The following LIMS2 variants were observed in gnomAD, a reference collection of about 807,000 sequenced individuals.
LIMS2 encodes LIM zinc finger domain containing 2, also known as LIM and senescent cell antigen-like-containing domain protein 2.
Under a neutral mutation model 45.3 loss-of-function variants are expected in LIMS2, and 30 were observed. The observed-to-expected ratio is 0.66, with a 90% CI of 0.50 to 0.90. The LOEUF is 0.90. LIMS2 is among the 40% of genes least tolerant of loss of function. The pLI is 0.00. For missense variants in LIMS2, 485 were observed against 468.7 expected, an observed-to-expected ratio of 1.03 and a Z score of -0.32; for synonymous variants, 173 against 188.0, an observed-to-expected ratio of 0.92 and a Z score of 0.65.
At chr2:127,655,258 C>A in intron 2 of LIMS2, 1 of 350,308 alleles carries the variant, frequency 2.9e-6, no homozygotes, top group Non-Finnish European at 5.5e-6. Context: ...TCACTTGGTC[C>A]TATTTCGTAT....
At chr2:127,660,299 A>G (rs1195399360) in intron 1 of LIMS2, among the ~76,000 whole-genome samples, 1 of 152,238 alleles carries the variant, frequency 6.6e-6, no homozygotes, top group African/African-American at 2.4e-5. Context: ...GGCCACTCGA[A>G]CCCACAGCAG....
intron 1 of LIMS2, 40 bp downstream of exon 1, chr2:127,674,974 C>G (rs963249531): frequency 2.4e-6 from 3 of 1,228,062 alleles, no homozygotes; most frequent in Non-Finnish European, 3.0e-6. Flanking sequence ...GTCCCGCAGT[C>G]CCGCCTCCCC....
chr2:127,661,743 G>A (rs897363794), intron 1 of LIMS2, among the ~76,000 whole-genome samples: 1 of 152,218 alleles, frequency 6.6e-6, no homozygotes, highest in Non-Finnish European at 1.5e-5. Flanking sequence ...TTTGTTGCAA[G>A]ATGTCCCTGA....
At chr2:127,662,755 GCA>G (rs1350845408) in intron 1 of LIMS2, among the ~76,000 whole-genome samples, 12 of 151,834 alleles carry the variant, frequency 7.9e-5, no homozygotes, top group Admixed American at 7.9e-4. Flanking sequence ...GAACAAACCT[GCA>G]GGTTGTGCAC....
Position 127,672,435 on chromosome 2 carries a change from C to T in LIMS2, c.11+2579G>A, listed in dbSNP as rs1010919845. On this transcript the variant is annotated intron_variant, in intron 1 of 9. Coordinates refer to ENST00000355119, the MANE Select transcript of LIMS2 (RefSeq NM_001161403.3). The surrounding 1 kb of genome is among the most constrained non-coding windows in gnomAD (Gnocchi z 4.9). The stretch of plus-strand genomic sequence containing the variant: ...CCCCTCCATGCCCAGGTGCCTCCCA[C>T]GGCTCCCCCTCAGACTTGCCACAGC... Among the ~76,000 whole-genome samples the T allele has an allele frequency of 4.6e-5, 7 of 152,130 alleles. No homozygotes were observed. Among genetic ancestry groups the T allele is most frequent in the African/African-American group, 1.7e-4 (7 of 41,410 alleles).
At position 127,671,211 on chromosome 2, in the gene LIMS2, C is replaced by T. The variant is rs1685256005; in HGVS notation, c.11+3803G>A. ...CTTTGGGAGGCCAAGGTGGGTGGAT[C>T]AAGAGGTCAGAAGATCAAGACCACC... On this transcript the variant is annotated intron_variant, in intron 1 of 9. Coordinates refer to ENST00000355119, the MANE Select transcript of LIMS2 (RefSeq NM_001161403.3). This position sits in a 1 kb window ranked among gnomAD's most constrained non-coding sequence, Gnocchi z 4.1. Among the ~76,000 whole-genome samples, 1 of 152,052 alleles carries T rather than the reference C, an allele frequency of 6.6e-6. No homozygotes were observed. Among genetic ancestry groups the T allele is most frequent in the African/African-American group, 2.4e-5 (1 of 41,382 alleles).
At position 127,672,188 on chromosome 2, in the gene LIMS2, A is replaced by C. The variant is rs775542767; in HGVS notation, c.11+2826T>G. Reference sequence around the variant, plus strand: ...CCCAGGCTCCATTTCCAGGAATGCCAGGGACAGCTGGGTCCCTAGGTAGGT... The same window carrying C: ...CCCAGGCTCCATTTCCAGGAATGCCCGGGACAGCTGGGTCCCTAGGTAGGT... On this transcript the variant is annotated intron_variant, in intron 1 of 9. Transcript: ENST00000355119. The surrounding 1 kb of genome is among the most constrained non-coding windows in gnomAD (Gnocchi z 4.9). Among the ~76,000 whole-genome samples, 13 of 152,204 alleles carry C rather than the reference A, an allele frequency of 8.5e-5. No individual in the cohort carries two copies. The highest frequency in any genetic ancestry group is 1.0e-4 in the Non-Finnish European group (7 of 68,032).
intron 4 of LIMS2, among the ~76,000 whole-genome samples, chr2:127,652,847 G>A (rs1179253999): frequency 6.6e-6 from 1 of 152,206 alleles, no homozygotes; most frequent in Non-Finnish European, 1.5e-5. Context: ...CACTCTAGCT[G>A]CCACCCTGCA....
chr2:127,664,494 C>A lies in LIMS2; in HGVS notation c.12-6932G>T, dbSNP rs937344040. ...GGCCGCCTGGGGCCAGACACCAAGA[C>A]GGGACGGGCGTGTGGGCGCCTCCCC... On this transcript the variant is annotated intron_variant, in intron 1 of 9. Coordinates refer to ENST00000355119, the MANE Select transcript of LIMS2 (RefSeq NM_001161403.3). The surrounding 1 kb of genome is among the most constrained non-coding windows in gnomAD (Gnocchi z 5.5). 1.7e-6 allele frequency: 2 copies of A among 1,163,542 alleles called. No homozygotes were observed. The highest frequency in any genetic ancestry group is 1.1e-6 in the Non-Finnish European group (1 of 944,394). The allele number at this position is 1,163,542 out of a possible 1,614,324, so 72.1% of individuals were successfully genotyped here. A position where few individuals can be genotyped will look rare whatever the true frequency, so the allele number is the denominator to read the frequency against.
chr2:127,662,633 G>A lies in LIMS2; in HGVS notation c.12-5071C>T, dbSNP rs2105323112. Among the ~76,000 whole-genome samples the A allele has an allele frequency of 5.3e-5, 4 of 75,026 alleles. No homozygotes were observed. The South Asian group carries it at 2.0e-3, about 37-fold the overall frequency. The allele number at this position is 75,026 out of a possible 152,430, so 49.2% of individuals were successfully genotyped here. A position where few individuals can be genotyped will look rare whatever the true frequency, so the allele number is the denominator to read the frequency against. ...ATCACACACCAGAGGCTCTTGTGGGGTGGGGGGTGGGGGGTGGGGGGTGGG... is the reference window on the plus strand; with the variant it reads ...ATCACACACCAGAGGCTCTTGTGGGATGGGGGGTGGGGGGTGGGGGGTGGG... On this transcript the variant is annotated intron_variant, in intron 1 of 9. Coordinates refer to ENST00000355119, the MANE Select transcript of LIMS2 (RefSeq NM_001161403.3).
rs1684872129 is a variant in LIMS2 at position 127,664,308 on chromosome 2, C to A, written c.12-6746G>T. On this transcript the variant is annotated intron_variant, in intron 1 of 9. Transcript: ENST00000355119. This position sits in a 1 kb window ranked among gnomAD's most constrained non-coding sequence, Gnocchi z 5.5. ...CCGCCCCGCCCCTGGCCACCTACCC[C>A]GTGGCTGGCGGCGGGCTCTGCCGGT... 2 of 1,235,020 alleles carry A rather than the reference C, an allele frequency of 1.6e-6. No individual in the cohort carries two copies. The highest frequency in any genetic ancestry group is 3.7e-5 in the South Asian group (1 of 27,250). 76.5% of individuals were successfully genotyped at this position (1,235,020 alleles called of 1,614,324 possible). A position where few individuals can be genotyped will look rare whatever the true frequency, so the allele number is the denominator to read the frequency against.
intron 6 of LIMS2, 192 bp downstream of exon 6, chr2:127,641,857 C>T: frequency 5.1e-6 from 3 of 582,928 alleles, no homozygotes; most frequent in Non-Finnish European, 8.9e-6. Flanking sequence ...GCACTCGGGT[C>T]TCCTGGCTCC....
chr2:127,677,470 AG>A (rs1348151031), upstream of LIMS2, among the ~76,000 whole-genome samples: 2 of 152,230 alleles, frequency 1.3e-5, no homozygotes, highest in East Asian at 3.8e-4. The surrounding 1 kb of genome is among the most constrained non-coding windows in gnomAD (Gnocchi z 5.0). Flanking sequence ...AATAAGGGAA[AG>A]AGCCAGCCCT....
chr2:127,650,768 G>T, intron 4 of LIMS2: 1 of 1,613,848 alleles, frequency 6.2e-7, no homozygotes, highest in South Asian at 1.1e-5. Flanking sequence ...CCCCAGGTCT[G>T]ATCACCAACT....
chr2:127,650,676 A>C, intron 4 of LIMS2: 2 of 1,415,738 alleles, frequency 1.4e-6, no homozygotes, highest in Non-Finnish European at 2.0e-6. Flanking sequence ...AGCTGCCTAG[A>C]TCGCAAGCTC....
At chr2:127,668,747 A>G (rs913832176) in intron 1 of LIMS2, among the ~76,000 whole-genome samples, 1 of 150,062 alleles carries the variant, frequency 6.7e-6, no homozygotes, top group Non-Finnish European at 1.5e-5. Flanking sequence ...CTTACTAAAA[A>G]ATTGTAAGTG....
rs146328372 is a variant in LIMS2 at position 127,651,359 on chromosome 2, G to A, written c.359+3065C>T. ...CCTTCACCTTCCCGTTCATCACCAC[G>A]GTCACCTGCTACCTGCTGATCATCC... is the stretch of plus-strand genomic sequence containing the variant. On this transcript the variant is annotated intron_variant, in intron 4 of 9. Transcript: ENST00000355119. The A allele has an allele frequency of 1.7e-4, 267 of 1,612,282 alleles. 1 individual carries two copies. Among genetic ancestry groups the A allele is most frequent in the East Asian group, 1.2e-3 (56 of 44,890 alleles).
chr2:127,644,825 C>T (rs1344049113), intron 4 of LIMS2, among the ~76,000 whole-genome samples: 1 of 152,222 alleles, frequency 6.6e-6, no homozygotes, highest in East Asian at 1.9e-4. Flanking sequence ...GCCAGTTCTT[C>T]CAGACAGCCG....
At chr2:127,660,104 T>C (rs1411341189) in intron 1 of LIMS2, among the ~76,000 whole-genome samples, 1 of 152,258 alleles carries the variant, frequency 6.6e-6, no homozygotes, top group Non-Finnish European at 1.5e-5. Flanking sequence ...AGAACTTTTC[T>C]GTCTAGCCAA....
Sources: gnomAD v4.1 joint callset for allele counts (sites outside exome capture counted in the v4.1 genomes callset) on GRCh38, gnomAD v4.1.1 for gene constraint, Gnocchi (gnomAD v3.1) non-coding constraint, MANE v1.5 for transcripts, NCBI Gene and HGNC (gene_info 2026-07-23, HGNC 2026-07-21) for gene names.